Variants in MANBA observed in about 807,000 individuals in gnomAD.
The protein encoded by MANBA is mannosidase beta, also known as beta-mannosidase.
In MANBA, 83 loss-of-function variants were observed where a neutral mutation model predicts 111.1. The ratio of observed to expected loss-of-function variants is 0.75; its 90% confidence interval spans 0.63 to 0.90. The LOEUF (loss-of-function observed/expected upper bound fraction) is 0.90, where lower values mean the gene tolerates loss of function less well. Among genes scored for constraint, MANBA ranks in the 40% least tolerant of loss-of-function variants. The probability of loss-of-function intolerance (pLI) is 0.00; values close to 1 mark genes in which losing one functional copy is unlikely to be tolerated. For synonymous variants in MANBA, 370 were observed against 378.7 expected, an observed-to-expected ratio of 0.98 and a Z score of 0.27; for missense variants, 1,036 against 1,069.0, an observed-to-expected ratio of 0.97 and a Z score of 0.43.
At chr4:102,674,683 G>A (rs1329050101) in intron 7 of MANBA, among the ~76,000 whole-genome samples, 1 of 152,204 alleles carries the variant, frequency 6.6e-6, no homozygotes, top group Non-Finnish European at 1.5e-5. Flanking sequence ...TTGGTGCTCT[G>A]GAGAGGAAGC....
chr4:102,758,551 C>CT (rs374542775), intron 1 of MANBA, among the ~76,000 whole-genome samples: 5,800 of 137,092 alleles, frequency 0.042, 158 homozygotes, highest in Non-Finnish European at 0.062. Context: ...TACTTTTTTT[C>CT]TTTTTTTTTT....
intron 1 of MANBA, among the ~76,000 whole-genome samples, chr4:102,743,217 CTT>C (rs1450376023): frequency 6.6e-6 from 1 of 152,236 alleles, no homozygotes; most frequent in East Asian, 1.9e-4. Flanking sequence ...CCCCAAATTT[CTT>C]TGTCACAATT....
intron 1 of MANBA, among the ~76,000 whole-genome samples, chr4:102,754,404 T>A (rs1723926523): frequency 6.6e-6 from 1 of 152,106 alleles, no homozygotes; most frequent in South Asian, 2.1e-4. Context: ...AATCTAACTA[T>A]CCAACAATAA....
At position 102,714,713 on chromosome 4, in the gene MANBA, T is replaced by C. The variant is rs566990191; in HGVS notation, c.550-152A>G. On this transcript the variant is annotated intron_variant, in intron 4 of 16. Coordinates refer to ENST00000647097, the MANE Select transcript of MANBA (RefSeq NM_005908.4). ...ATCACAAACTAAGTGGTTTAAACAA[T>C]GGAAATGTATTTTCTCACAGTGAAG... 213 of 787,026 alleles carry C rather than the reference T, an allele frequency of 2.7e-4. 2 individuals are homozygous for C. In the South Asian group the frequency reaches 3.5e-3, roughly 13 times the overall value. 48.8% of individuals were successfully genotyped at this position (787,026 alleles called of 1,614,324 possible).
At chr4:102,721,934 G>A (rs954621760) in intron 4 of MANBA, among the ~76,000 whole-genome samples, 1 of 151,384 alleles carries the variant, frequency 6.6e-6, no homozygotes, top group Admixed American at 6.6e-5. Flanking sequence ...AGAGACCTAG[G>A]TGGGAGCATC....
chr4:102,697,184 C>T (rs995832169), intron 5 of MANBA, among the ~76,000 whole-genome samples: 1 of 152,084 alleles, frequency 6.6e-6, no homozygotes, highest in Non-Finnish European at 1.5e-5. Flanking sequence ...ATTATTCAAG[C>T]AACCTACCCT....
intron 1 of MANBA, among the ~76,000 whole-genome samples, chr4:102,748,452 A>G (rs190453369): frequency 1.3e-5 from 2 of 152,256 alleles, no homozygotes; most frequent in East Asian, 3.9e-4. Flanking sequence ...ATAGAATGCA[A>G]TCATCTGTGG....
chr4:102,700,765 T>A (rs1233462951), intron 5 of MANBA, among the ~76,000 whole-genome samples: 3 of 152,058 alleles, frequency 2.0e-5, no homozygotes, highest in African/African-American at 7.2e-5. Context: ...TGCTGAGGAG[T>A]GCTTTACTTC....
intron 1 of MANBA, among the ~76,000 whole-genome samples, chr4:102,760,364 G>T (rs1422274445): frequency 6.6e-6 from 1 of 152,186 alleles, no homozygotes. Context: ...GCAGACAGTA[G>T]AGACAGTAAT....
chr4:102,740,961 C>T (rs1723381157), intron 1 of MANBA, among the ~76,000 whole-genome samples: 1 of 151,932 alleles, frequency 6.6e-6, no homozygotes, highest in South Asian at 2.1e-4. Flanking sequence ...ACCTAACTAA[C>T]CTAAAAAGCT....
chr4:102,671,175 A>G lies in MANBA; in HGVS notation c.1230+106T>C, dbSNP rs1731478706. 5.1e-5 allele frequency: 41 copies of G among 809,448 alleles called. No homozygotes were observed. The South Asian group carries it at 5.6e-4, about 11-fold the overall frequency. 50.1% of individuals were successfully genotyped at this position (809,448 alleles called of 1,614,324 possible). A position where few individuals can be genotyped will look rare whatever the true frequency, so the allele number is the denominator to read the frequency against. On this transcript the variant is annotated intron_variant, in intron 9 of 16. Coordinates refer to ENST00000647097, the MANE Select transcript of MANBA (RefSeq NM_005908.4). ...TTATTCCTATAGCCCCAAATGGAAT[A>G]TCATTCCTAGCTCTGAGACTGGGGC...
intron 7 of MANBA, among the ~76,000 whole-genome samples, chr4:102,688,540 G>A (rs933574964): frequency 2.6e-5 from 4 of 152,120 alleles, no homozygotes; most frequent in African/African-American, 4.8e-5. Flanking sequence ...AATACCAAAT[G>A]TAAGAGGTGA....
intron 14 of MANBA, among the ~76,000 whole-genome samples, chr4:102,638,729 A>T (rs1482514766): frequency 6.6e-6 from 1 of 152,126 alleles, no homozygotes; most frequent in East Asian, 1.9e-4. Context: ...ATGCTCTCTT[A>T]TCTGGTTGGT....
chr4:102,728,784 T>A, intron 1 of MANBA: 1 of 954,428 alleles, frequency 1.0e-6, no homozygotes, highest in Non-Finnish European at 1.6e-6. Context: ...GACACCAGCC[T>A]CCCATCATGG....
At chr4:102,721,583 T>G (rs1722575626) in intron 4 of MANBA, among the ~76,000 whole-genome samples, 1 of 152,202 alleles carries the variant, frequency 6.6e-6, no homozygotes, top group African/African-American at 2.4e-5. Context: ...GGTATGTTAT[T>G]CAGCCTTAAA....
intron 1 of MANBA, among the ~76,000 whole-genome samples, chr4:102,753,317 T>G (rs1723877993): frequency 2.6e-5 from 4 of 152,140 alleles, no homozygotes; most frequent in Admixed American, 2.6e-4. Context: ...ATTATGTGTT[T>G]TATTGGTTTT....
intron 5 of MANBA, among the ~76,000 whole-genome samples, chr4:102,698,433 T>C (rs1362404287): frequency 6.7e-6 from 1 of 149,594 alleles, no homozygotes; most frequent in Non-Finnish European, 1.5e-5. Context: ...TCCTTGCCCA[T>C]GCCTATGTCC....
chr4:102,698,090 G>A (rs906326717), intron 5 of MANBA, among the ~76,000 whole-genome samples: 1 of 151,832 alleles, frequency 6.6e-6, no homozygotes, highest in Admixed American at 6.6e-5. Flanking sequence ...GTTTTGATTT[G>A]CATTTCTCTG....
At chr4:102,721,194 C>T (rs1188408801) in intron 4 of MANBA, among the ~76,000 whole-genome samples, 1 of 152,228 alleles carries the variant, frequency 6.6e-6, no homozygotes, top group African/African-American at 2.4e-5. Flanking sequence ...TGTGGCAGTG[C>T]ATGCGTGGAA....
Sources: allele counts gnomAD v4.1 joint callset (sites outside exome capture counted in the v4.1 genomes callset), GRCh38; gene constraint gnomAD v4.1.1; transcripts MANE v1.5; gene names NCBI Gene and HGNC (gene_info 2026-07-23, HGNC 2026-07-21).